Variants in CDK6 observed in about 807,000 individuals in gnomAD.
The protein encoded by CDK6 is cyclin-dependent kinase 6.
In CDK6, 6 loss-of-function variants were observed where a neutral mutation model predicts 37.1. The ratio of observed to expected loss-of-function variants is 0.16; its 90% CI spans 0.09 to 0.32. CDK6 has a LOEUF of 0.32. CDK6 is among the 10% of genes least tolerant of loss of function. The pLI is 1.00. For missense variants in CDK6, 224 were observed against 418.9 expected (o/e 0.53, Z 4.06); for synonymous variants, 160 against 161.3 (o/e 0.99, Z 0.06).
At chr7:92,657,230 T>G (rs1487031938) in intron 5 of CDK6, among the ~76,000 whole-genome samples, 1 of 152,214 alleles carries the variant, frequency 6.6e-6, no homozygotes, top group African/African-American at 2.4e-5. Flanking sequence ...CTGAAAGATG[T>G]GACCAGGTAG....
At chr7:92,827,973 C>T (rs1272304642) in intron 2 of CDK6, among the ~76,000 whole-genome samples, 5 of 151,928 alleles carry the variant, frequency 3.3e-5, no homozygotes, top group African/African-American at 1.2e-4. Context: ...ATTTCATTAA[C>T]CAGAATGTTA....
chr7:92,815,892 A>T (rs1394958515), intron 2 of CDK6, among the ~76,000 whole-genome samples: 3 of 152,172 alleles, frequency 2.0e-5, no homozygotes, highest in Non-Finnish European at 4.4e-5. Context: ...GAGCTCACAG[A>T]GGGCAGAAAA....
chr7:92,645,512 A>T (rs1413612440), intron 5 of CDK6, among the ~76,000 whole-genome samples: 1 of 152,266 alleles, frequency 6.6e-6, no homozygotes, highest in African/African-American at 2.4e-5. Flanking sequence ...ATTAGAAACC[A>T]TGGTTCAATC....
intron 5 of CDK6, among the ~76,000 whole-genome samples, chr7:92,645,544 C>G (rs544483640): frequency 6.6e-6 from 1 of 152,212 alleles, no homozygotes; most frequent in Non-Finnish European, 1.5e-5. Flanking sequence ...TCCTGCAACC[C>G]GGGGAGGGGG....
At chr7:92,836,290 A>G (rs1801671101) in intron 1 of CDK6, among the ~76,000 whole-genome samples, 188 bp downstream of exon 1, 2 of 151,440 alleles carry the variant, frequency 1.3e-5, no homozygotes, top group Admixed American at 1.3e-4. Flanking sequence ...TGGCCCCCAT[A>G]ACCAATCCCG....
At chr7:92,647,332 A>G (rs1279855766) in intron 5 of CDK6, among the ~76,000 whole-genome samples, 2 of 152,210 alleles carry the variant, frequency 1.3e-5, no homozygotes, top group Non-Finnish European at 1.5e-5. Context: ...GAGAGTGAAT[A>G]CCCGAAGGTA....
rs534246344 is a variant in CDK6 at position 92,671,287 on chromosome 7, C to T, written c.647+139G>A. The T allele has an allele frequency of 4.0e-5, 20 of 496,394 alleles. 1 individual carries two copies. The East Asian group carries it at 6.4e-4, about 16-fold the overall frequency. 30.7% of individuals were successfully genotyped at this position (496,394 alleles called of 1,614,324 possible). On this transcript the variant is annotated intron_variant, in intron 5 of 7. Transcript: ENST00000424848. Reference sequence around the variant, plus strand: ...ACTGAGAAGGCGGTTTCAGGACAGGCTTGCAAGTGGTAGCCTGGGGTAGAT... The same window carrying T: ...ACTGAGAAGGCGGTTTCAGGACAGGTTTGCAAGTGGTAGCCTGGGGTAGAT...
At chr7:92,766,616 C>T (rs1554411167) in intron 3 of CDK6, among the ~76,000 whole-genome samples, 1 of 152,084 alleles carries the variant, frequency 6.6e-6, no homozygotes, top group Non-Finnish European at 1.5e-5. Flanking sequence ...TGGATGTTCC[C>T]ATGTTTAGAG....
intron 5 of CDK6, 123 bp from the exon 6 acceptor site, chr7:92,623,209 A>C: frequency 1.5e-6 from 1 of 669,492 alleles, no homozygotes; most frequent in Non-Finnish European, 2.6e-6. Context: ...GAAGTAAAAA[A>C]AATTGAGACA....
At chr7:92,756,408 A>G (rs772647994) in intron 3 of CDK6, among the ~76,000 whole-genome samples, 1 of 152,242 alleles carries the variant, frequency 6.6e-6, no homozygotes, top group Non-Finnish European at 1.5e-5. Context: ...GGAGAAGCTC[A>G]TAAAAACAAG....
chr7:92,810,135 G>T (rs1178310818), intron 2 of CDK6, among the ~76,000 whole-genome samples: 3 of 152,154 alleles, frequency 2.0e-5, no homozygotes, highest in Non-Finnish European at 4.4e-5. Context: ...ATATGCGTGT[G>T]TATGTGTGTG....
chr7:92,828,576 T>A (rs1801392054), intron 2 of CDK6, among the ~76,000 whole-genome samples: 1 of 152,170 alleles, frequency 6.6e-6, no homozygotes. Context: ...TAGTGAGACA[T>A]TTGTTTTTTT....
chr7:92,821,080 AC>A (rs1343499789), intron 2 of CDK6, among the ~76,000 whole-genome samples: 2 of 151,956 alleles, frequency 1.3e-5, no homozygotes, highest in Non-Finnish European at 2.9e-5. Flanking sequence ...AAACAACAAA[AC>A]GTGGCATAAT....
intron 5 of CDK6, among the ~76,000 whole-genome samples, chr7:92,633,457 A>C (rs1051771856): frequency 6.6e-6 from 1 of 152,150 alleles, no homozygotes; most frequent in Admixed American, 6.6e-5. Flanking sequence ...GATATGAATA[A>C]AACACAATTA....
intron 2 of CDK6, among the ~76,000 whole-genome samples, chr7:92,821,978 A>G (rs1411194031): frequency 6.6e-6 from 1 of 152,078 alleles, no homozygotes; most frequent in Non-Finnish European, 1.5e-5. Context: ...TATGACATAC[A>G]TATTACATGG....
chr7:92,797,872 G>A (rs987666880), intron 2 of CDK6, among the ~76,000 whole-genome samples: 2 of 152,084 alleles, frequency 1.3e-5, no homozygotes, highest in Admixed American at 6.6e-5. Context: ...CACTCTCCAC[G>A]GAAAATCAGC....
chr7:92,609,840 C>T lies in CDK6; in HGVS notation c.*5300G>A, dbSNP rs889751174. The T allele has an allele frequency of 1.7e-5, 4 of 230,224 alleles. No homozygotes were observed. The highest frequency in any genetic ancestry group is 6.6e-5 in the African/African-American group (3 of 45,186). 14.3% of individuals were successfully genotyped at this position (230,224 alleles called of 1,614,324 possible). ...TTTCTTGACTGAATGAATGACTAGG[C>T]TTTCTTTACTTAAATGATCAAAATG... On this transcript the variant is annotated 3_prime_UTR_variant, in exon 8 of 8. Transcript: ENST00000424848.
chr7:92,789,658 A>G (rs1800233965), intron 2 of CDK6, among the ~76,000 whole-genome samples: 1 of 152,178 alleles, frequency 6.6e-6, no homozygotes, highest in Non-Finnish European at 1.5e-5. Context: ...GAAACTGCTC[A>G]TATCTTGAGG....
chr7:92,750,374 T>C (rs1469892865), intron 3 of CDK6, among the ~76,000 whole-genome samples: 1 of 152,316 alleles, frequency 6.6e-6, no homozygotes, highest in Admixed American at 6.5e-5. Context: ...GATTTGTGTA[T>C]AAGTGATACC....
Sources: allele counts gnomAD v4.1 joint callset (sites outside exome capture counted in the v4.1 genomes callset), GRCh38; gene constraint gnomAD v4.1.1; transcripts MANE v1.5; gene names NCBI Gene and HGNC (gene_info 2026-07-23, HGNC 2026-07-21).